SPEN: variants seen among roughly 807,000 people sequenced by gnomAD.
The protein encoded by SPEN is msx2-interacting protein.
SPEN carries 18 observed loss-of-function variants against 269.9 expected under a neutral mutation model. The observed-to-expected ratio is 0.07, with a 90% CI of 0.05 to 0.10. The LOEUF is 0.10. SPEN is among the 10% of genes least tolerant of loss of function. The pLI is 1.00. For synonymous variants in SPEN, 1,726 were observed against 1,765.7 expected, an observed-to-expected ratio of 0.98 and a Z score of 0.56; for missense variants, 3,822 against 4,631.2, an observed-to-expected ratio of 0.83 and a Z score of 5.07.
rs781203906 is a variant in SPEN, at chr1:15,922,244, T to A, written c.1750-5T>A. The A allele has an allele frequency of 6.3e-6, 10 of 1,578,316 alleles. No homozygotes were observed. Among genetic ancestry groups the A allele is most frequent in the East Asian group, 4.5e-5 (2 of 44,604 alleles). ...TGCATCAAACACCTCTTTTTTTTTT[T>A]AAAGGTGGATTTTGCAAATCGGGAA... On this transcript the variant is annotated splice_region_variant and splice_polypyrimidine_tract_variant and intron_variant, in intron 9 of 14. Transcript: ENST00000375759.
At position 15,931,549 on chromosome 1, in the gene SPEN, A is replaced by G. The variant is rs150185177; in HGVS notation, c.5309A>G (p.Asn1770Ser). 2.5e-5 allele frequency: 41 copies of G among 1,614,086 alleles called. No homozygotes were observed. Among genetic ancestry groups the G allele is most frequent in the South Asian group, 5.5e-5 (5 of 91,092 alleles). ...CCAGCTCAGAAGTCTGAGGAAGCCA[A>G]TGAGCCAAAGGCCGAAAAGCCAGAC... ...SKPAQKSEEA[N>S]EPKAEKPDAT... The change falls in exon 11 of 15, where the codon AAT becomes AGT. Residue 1770 changes from asparagine to serine, a missense_variant. Transcript: ENST00000375759. The surrounding 1 kb of genome is among the most constrained non-coding windows in gnomAD (Gnocchi z 4.8).
chr1:15,912,326 C>T (rs975996305), intron 5 of SPEN, among the ~76,000 whole-genome samples: 4 of 152,160 alleles, frequency 2.6e-5, no homozygotes, highest in African/African-American at 4.8e-5. Flanking sequence ...TTGGGAACCC[C>T]TGATTTAACA....
At chr1:15,863,291 T>C (rs1299975270) in intron 1 of SPEN, among the ~76,000 whole-genome samples, 1 of 151,968 alleles carries the variant, frequency 6.6e-6, no homozygotes, top group Non-Finnish European at 1.5e-5. Flanking sequence ...CAGACACATA[T>C]AATTTTTTTC....
Position 15,931,014 on chromosome 1 carries a change from C to A in SPEN, c.4774C>A (p.Arg1592=), listed in dbSNP as rs779755634. 2.5e-6 allele frequency: 4 copies of A among 1,613,740 alleles called. No homozygotes were observed. The Admixed American group carries it at 6.7e-5, about 27-fold the overall frequency. ...CCATAGCAGATTTATGGAGCTCACA[C>A]GGATGCAACAGAAAGAAAAAGAAAA... ...LFHSRFMELT[R]MQQKEKEKDQ... The change falls in exon 11 of 15, where the codon CGG becomes AGG. Residue 1592 remains arginine, a synonymous_variant. Coordinates refer to ENST00000375759, the MANE Select transcript of SPEN (RefSeq NM_015001.3). The surrounding 1 kb of genome is among the most constrained non-coding windows in gnomAD (Gnocchi z 4.8).
At position 15,933,284 on chromosome 1, in the gene SPEN, G is replaced by C. The variant is rs1557761258; in HGVS notation, c.7044G>C (p.Val2348=). ...GCAAGCGAAACACAAACAAGAAAGT[G>C]GTGGCTCCTGTAGAGAGCCATGTCC... ...SRRKRNTNKK[V]VAPVESHVPE... Residue 2348 remains valine (V), a synonymous_variant, in exon 11 of 15, where the codon GTG becomes GTC. Coordinates refer to ENST00000375759, the MANE Select transcript of SPEN (RefSeq NM_015001.3). This position sits in a 1 kb window ranked among gnomAD's most constrained non-coding sequence, Gnocchi z 5.7. The C allele has an allele frequency of 6.2e-7, 1 of 1,614,130 alleles. No homozygotes were observed. The highest frequency in any genetic ancestry group is 2.2e-5 in the East Asian group (1 of 44,882).
At chr1:15,888,651 A>G (rs2070761035) in intron 3 of SPEN, among the ~76,000 whole-genome samples, 1 of 147,586 alleles carries the variant, frequency 6.8e-6, no homozygotes, top group Admixed American at 6.8e-5. Flanking sequence ...TTTTTTTTTG[A>G]GACAGTGTTT....
At chr1:15,899,016 G>A (rs2070871247) in intron 3 of SPEN, among the ~76,000 whole-genome samples, 1 of 152,054 alleles carries the variant, frequency 6.6e-6, no homozygotes. Flanking sequence ...ATCTAGTTGA[G>A]TTCCCGTCTT....
rs1442463869 is a variant in SPEN at position 15,937,130 on chromosome 1, ACT to A, written c.10027-30_10027-29del. 6.3e-7 allele frequency: 1 copy of A among 1,591,334 alleles called. No individual in the cohort carries two copies. The highest frequency in any genetic ancestry group is 1.3e-5 in the African/African-American group (1 of 74,080). On this transcript the variant is annotated intron_variant, in intron 11 of 14. Transcript: ENST00000375759. The surrounding 1 kb of genome is among the most constrained non-coding windows in gnomAD (Gnocchi z 5.7). ...TCAGGGGCTTGTGCACAACAGACTG[ACT>A]CTGTCCCTTTGCCTTCCTTCCCTAC...
intron 7 of SPEN, 36 bp from the exon 8 acceptor site, chr1:15,919,368 A>G (rs1422654690): frequency 1.5e-6 from 2 of 1,366,876 alleles, no homozygotes; most frequent in Non-Finnish European, 2.0e-6. Flanking sequence ...AGTAATTGTG[A>G]ACTTTACTAA....
chr1:15,866,265 A>G (rs2070507851), intron 1 of SPEN, among the ~76,000 whole-genome samples: 1 of 152,108 alleles, frequency 6.6e-6, no homozygotes, highest in Non-Finnish European at 1.5e-5. Context: ...GATTCTCCGT[A>G]TCTTTTGCCA....
chr1:15,877,926 G>A (rs2070648245), intron 3 of SPEN, among the ~76,000 whole-genome samples: 1 of 151,638 alleles, frequency 6.6e-6, no homozygotes, highest in African/African-American at 2.4e-5. Flanking sequence ...TGTATTTTTA[G>A]TAGAAACGGG....
intron 3 of SPEN, among the ~76,000 whole-genome samples, chr1:15,891,767 T>G (rs930309056): frequency 2.0e-5 from 3 of 152,022 alleles, no homozygotes; most frequent in Non-Finnish European, 2.9e-5. Flanking sequence ...TGGGATTACA[T>G]GCATGAGCCG....
At chr1:15,869,348 G>A (rs917701694) in intron 1 of SPEN, among the ~76,000 whole-genome samples, 8 of 152,094 alleles carry the variant, frequency 5.3e-5, no homozygotes, top group African/African-American at 1.9e-4. Context: ...GAGCCACCGT[G>A]CCCGGCCCTT....
rs758462966 is a variant in SPEN, at chr1:15,928,422, C to G, written c.2182C>G (p.Pro728Ala). 2.5e-6 allele frequency: 4 copies of G among 1,614,102 alleles called. No homozygotes were observed. Among genetic ancestry groups the G allele is most frequent in the Non-Finnish European group, 3.4e-6 (4 of 1,180,016 alleles). ...ERRPIERSQS[P>A]VHLRRPQSPG... ...GAGGCCGATTGAACGAAGTCAAAGT[C>G]CTGTTCACTTGCGACGTCCACAGAG... Residue 728 changes from proline to alanine, a missense_variant, in exon 11 of 15, where the codon CCT becomes GCT. By Grantham distance (27) the Pro-to-Ala change is conservative (BLOSUM62 -1). Coordinates refer to ENST00000375759, the MANE Select transcript of SPEN (RefSeq NM_015001.3). This position sits in a 1 kb window ranked among gnomAD's most constrained non-coding sequence, Gnocchi z 5.7.
Position 15,928,162 on chromosome 1 carries a change from C to G in SPEN, c.1922C>G (p.Thr641Ser), listed in dbSNP as rs1409044240. 8 of 1,614,058 alleles carry G rather than the reference C, an allele frequency of 5.0e-6. No homozygotes were observed. The highest frequency in any genetic ancestry group is 1.3e-5 in the African/African-American group (1 of 74,928). ...TATGAGAGTGTTCGAACTCCAGGCA[C>G]TTATCCTGAGGATTCCAGGCGGGAC... ...TYYESVRTPG[T>S]YPEDSRRDYP... Residue 641 changes from threonine (T) to serine (S), a missense_variant, in exon 11 of 15, where the codon ACT becomes AGT. Transcript: ENST00000375759. The surrounding 1 kb of genome is among the most constrained non-coding windows in gnomAD (Gnocchi z 5.7).
chr1:15,921,010 C>T, intron 9 of SPEN, 27 bp downstream of exon 9: 1 of 1,430,986 alleles, frequency 7.0e-7, no homozygotes, highest in Non-Finnish European at 9.8e-7. Flanking sequence ...TAAACAGAAG[C>T]AAAACAAAGT....
At chr1:15,912,593 C>T (rs867219576) in intron 5 of SPEN, among the ~76,000 whole-genome samples, 9 of 152,148 alleles carry the variant, frequency 5.9e-5, no homozygotes, top group South Asian at 2.1e-4. Context: ...GTTAGGGTGA[C>T]CACTGCAAAA....
At position 15,933,995 on chromosome 1, in the gene SPEN, A is replaced by C; in HGVS notation, c.7755A>C (p.Lys2585Asn). 6.2e-7 allele frequency: 1 copy of C among 1,614,056 alleles called. No homozygotes were observed. The highest frequency in any genetic ancestry group is 8.5e-7 in the Non-Finnish European group (1 of 1,179,948). The change falls in exon 11 of 15, where the codon AAA becomes AAC. Residue 2585 changes from lysine (K) to asparagine (N), a missense_variant. Lys to Asn is a moderately conservative substitution (Grantham distance 94). Transcript: ENST00000375759. The surrounding 1 kb of genome is among the most constrained non-coding windows in gnomAD (Gnocchi z 5.7). ...ACTCTAAAAAGCCTTTAGAAGAAAA[A>C]ACAGCACCTCCAGTGACAAACAACT... ...PVDSKKPLEE[K>N]TAPPVTNNSE...
In SPEN at chr1:15,932,114, G is replaced by A. The variant is rs747380892; in HGVS notation, c.5874G>A (p.Arg1958=). 1 of 1,613,892 alleles carries A rather than the reference G, an allele frequency of 6.2e-7. No individual in the cohort carries two copies. Among genetic ancestry groups the A allele is most frequent in the East Asian group, 2.2e-5 (1 of 44,886 alleles). Residue 1958 remains arginine, a synonymous_variant, in exon 11 of 15, where the codon CGG becomes CGA. Coordinates refer to ENST00000375759, the MANE Select transcript of SPEN (RefSeq NM_015001.3). This position sits in a 1 kb window ranked among gnomAD's most constrained non-coding sequence, Gnocchi z 4.2. ...GGGGAAGGCCTCCAAAGACACGCCG[G>A]CGAGCCGATGAAGAGGAGGAGAACG... ...PRRGRPPKTR[R]RADEEEENEA...
Sources: gnomAD v4.1 joint callset for allele counts (sites outside exome capture counted in the v4.1 genomes callset) on GRCh38, gnomAD v4.1.1 for gene constraint, Gnocchi (gnomAD v3.1) non-coding constraint, MANE v1.5 for transcripts, NCBI Gene and HGNC (gene_info 2026-07-23, HGNC 2026-07-21) for gene names.